The following CSMD1 variants were observed in gnomAD, a reference collection of about 807,000 sequenced individuals.
CSMD1 encodes the protein CUB and Sushi multiple domains 1, also known as CUB and sushi domain-containing protein 1.
A neutral mutation model predicts 417.5 loss-of-function variants in CSMD1; 213 were observed. That is an observed-to-expected ratio of 0.51 (90% CI 0.46 to 0.57). The LOEUF is 0.57. CSMD1 is among the 20% of genes least tolerant of loss of function. The pLI, the probability that CSMD1 is intolerant of heterozygous loss-of-function variation, is 0.00. For missense variants in CSMD1, 6,923 were observed against 4,529.7 expected, an observed-to-expected ratio of 1.53 and a Z score of -15.17; for synonymous variants, 2,862 against 1,736.8, an observed-to-expected ratio of 1.65 and a Z score of -16.11.
chr8:4,489,051 C>T (rs1801565869), intron 2 of CSMD1, among the ~76,000 whole-genome samples: 1 of 152,186 alleles, frequency 6.6e-6, no homozygotes, highest in Non-Finnish European at 1.5e-5. Context: ...GCTGGGAATA[C>T]AGGTGCGTGC....
At chr8:4,725,168 A>G (rs1034753357) in intron 1 of CSMD1, among the ~76,000 whole-genome samples, 4 of 152,188 alleles carry the variant, frequency 2.6e-5, no homozygotes, top group Non-Finnish European at 4.4e-5. Context: ...AGAATACATT[A>G]AAAACAATAA....
At chr8:3,349,268 T>G (rs1439331533) in intron 21 of CSMD1, among the ~76,000 whole-genome samples, 1 of 152,302 alleles carries the variant, frequency 6.6e-6, no homozygotes, top group African/African-American at 2.4e-5. Context: ...ACTGCCACGA[T>G]ACTGATTCTT....
intron 26 of CSMD1, among the ~76,000 whole-genome samples, chr8:3,264,948 T>C (rs1321044484): frequency 6.6e-6 from 1 of 152,152 alleles, no homozygotes; most frequent in East Asian, 1.9e-4. Context: ...TATTCTTTAA[T>C]AACGATGAAT....
At chr8:3,634,206 G>T (rs1038556257) in intron 7 of CSMD1, among the ~76,000 whole-genome samples, 1 of 152,174 alleles carries the variant, frequency 6.6e-6, no homozygotes, top group African/African-American at 2.4e-5. Flanking sequence ...TTAGGCCACA[G>T]CAGATAGTCT....
At chr8:4,815,267 GC>G (rs1799139140) in intron 1 of CSMD1, among the ~76,000 whole-genome samples, 1 of 151,884 alleles carries the variant, frequency 6.6e-6, no homozygotes, top group Admixed American at 6.6e-5. Flanking sequence ...ATTTGAATTG[GC>G]TTCAAACCAA....
At chr8:2,944,025 T>A (rs190843855) in intron 68 of CSMD1, among the ~76,000 whole-genome samples, 1 of 152,352 alleles carries the variant, frequency 6.6e-6, no homozygotes, top group Non-Finnish European at 1.5e-5. Context: ...TGCCATTTGC[T>A]TCAATAGATG....
intron 12 of CSMD1, among the ~76,000 whole-genome samples, chr8:3,441,587 A>G (rs902963916): frequency 5.3e-5 from 8 of 151,822 alleles, no homozygotes; most frequent in East Asian, 1.9e-4. Flanking sequence ...ATGGTCCCAT[A>G]AGATTATAAT....
intron 1 of CSMD1, among the ~76,000 whole-genome samples, chr8:4,836,556 T>C (rs1350929543): frequency 6.6e-6 from 1 of 152,086 alleles, no homozygotes; most frequent in East Asian, 1.9e-4. Context: ...CACAGAGAGG[T>C]TTGAACTTGA....
chr8:2,970,781 T>C (rs998889000), intron 57 of CSMD1, among the ~76,000 whole-genome samples: 2 of 152,198 alleles, frequency 1.3e-5, no homozygotes, highest in African/African-American at 4.8e-5. Context: ...ATGCTACAGA[T>C]ACATTAAGCT....
Position 4,396,115 on chromosome 8 carries a change from T to G in CSMD1, c.415+23838A>C, listed in dbSNP as rs7832757. On this transcript the variant is annotated intron_variant, in intron 3 of 69. Coordinates refer to ENST00000635120, the MANE Select transcript of CSMD1 (RefSeq NM_033225.6). Reference sequence around the variant, plus strand: ...CATTTGTGTTTAGTATTTTTAAGTTTTACTACTGTAATGGGAATGTATGCT... The same window carrying G: ...CATTTGTGTTTAGTATTTTTAAGTTGTACTACTGTAATGGGAATGTATGCT... Among the ~76,000 whole-genome samples, 6 of 150,916 alleles carry G rather than the reference T, an allele frequency of 4.0e-5. 1 individual carries two copies. In the East Asian group the frequency reaches 1.2e-3, roughly 29 times the overall value.
At chr8:4,447,647 A>G (rs1315702875) in intron 2 of CSMD1, among the ~76,000 whole-genome samples, 2 of 152,156 alleles carry the variant, frequency 1.3e-5, no homozygotes, top group African/African-American at 4.8e-5. Context: ...AGGTTTACGG[A>G]AAAGGAAGGA....
chr8:4,666,801 T>A (rs918186564), intron 1 of CSMD1, among the ~76,000 whole-genome samples: 1 of 152,222 alleles, frequency 6.6e-6, no homozygotes, highest in Non-Finnish European at 1.5e-5. Context: ...CTGTAGTCTA[T>A]CTTTTCATTT....
intron 3 of CSMD1, among the ~76,000 whole-genome samples, chr8:4,190,198 G>T (rs1017978278): frequency 6.8e-6 from 1 of 146,374 alleles, no homozygotes; most frequent in Non-Finnish European, 1.5e-5. Flanking sequence ...GGTGGAGCTT[G>T]CAGTGAGCTG....
intron 1 of CSMD1, among the ~76,000 whole-genome samples, chr8:4,893,298 T>C (rs1206876179): frequency 6.6e-6 from 1 of 152,162 alleles, no homozygotes; most frequent in Non-Finnish European, 1.5e-5. Flanking sequence ...AGAAGCTCCT[T>C]ATATATTCTG....
At chr8:4,059,758 C>G (rs950131206) in intron 3 of CSMD1, among the ~76,000 whole-genome samples, 10 of 152,120 alleles carry the variant, frequency 6.6e-5, no homozygotes, top group Middle Eastern at 6.8e-3. Flanking sequence ...AGTTGAATCT[C>G]TGAATAGACC....
intron 3 of CSMD1, among the ~76,000 whole-genome samples, chr8:4,069,959 T>C (rs1440446235): frequency 6.6e-6 from 1 of 152,232 alleles, no homozygotes; most frequent in African/African-American, 2.4e-5. Flanking sequence ...GTTTGTCTTC[T>C]CTACTTTTGT....
At chr8:4,203,180 A>G (rs1799764609) in intron 3 of CSMD1, among the ~76,000 whole-genome samples, 1 of 152,206 alleles carries the variant, frequency 6.6e-6, no homozygotes, top group Non-Finnish European at 1.5e-5. Context: ...CATTTAAAAA[A>G]TCGTCAGTGA....
At chr8:4,466,718 G>T (rs564264958) in intron 2 of CSMD1, among the ~76,000 whole-genome samples, 5 of 151,998 alleles carry the variant, frequency 3.3e-5, no homozygotes, top group Non-Finnish European at 7.4e-5. Flanking sequence ...TTTTAAAATG[G>T]TGTACAACAA....
intron 10 of CSMD1, among the ~76,000 whole-genome samples, chr8:3,507,551 C>G (rs1267511119): frequency 1.3e-5 from 2 of 152,142 alleles, no homozygotes; most frequent in Non-Finnish European, 2.9e-5. Flanking sequence ...AATGGTATTT[C>G]TAGTTCTAGA....
Sources: gnomAD v4.1 joint callset for allele counts (sites outside exome capture counted in the v4.1 genomes callset) on GRCh38, gnomAD v4.1.1 for gene constraint, MANE v1.5 for transcripts, NCBI Gene and HGNC (gene_info 2026-07-23, HGNC 2026-07-21) for gene names.